STXBP5: variants seen among roughly 807,000 people sequenced by gnomAD.
The protein encoded by STXBP5 is syntaxin binding protein 5.
Under a neutral mutation model 152.4 loss-of-function variants are expected in STXBP5, and 50 were observed. That is an observed-to-expected ratio of 0.33 (90% confidence interval 0.26 to 0.42). The LOEUF (loss-of-function observed/expected upper bound fraction) is 0.42, where lower values mean the gene tolerates loss of function less well. Ranked by LOEUF, STXBP5 falls within the 10% of genes least tolerant of loss-of-function variation. STXBP5 has a pLI of 1.00. For synonymous variants in STXBP5, 492 were observed against 494.7 expected, an observed-to-expected ratio of 0.99 and a Z score of 0.07; for missense variants, 1,167 against 1,388.6, an observed-to-expected ratio of 0.84 and a Z score of 2.54.
At chr6:147,261,703 T>A (rs964094547) in intron 5 of STXBP5, among the ~76,000 whole-genome samples, 1 of 151,964 alleles carries the variant, frequency 6.6e-6, no homozygotes, top group Non-Finnish European at 1.5e-5. Context: ...GTAGGCCTAG[T>A]GCAGGTGTCT....
intron 25 of STXBP5, among the ~76,000 whole-genome samples, chr6:147,372,406 CCTTTTTTTTTTTTTTTTTTTTTTTTT>C (rs1562275000): frequency 0.057 from 2,233 of 38,998 alleles, 246 homozygotes; most frequent in Non-Finnish European, 0.084. Flanking sequence ...CCGTCCTTTT[CCTTTTTTTTTTTTTTTTTTTTTTTTT>C]TTTTTTTTTT....
chr6:147,211,879 C>A (rs1435902170), intron 2 of STXBP5, among the ~76,000 whole-genome samples: 1 of 152,166 alleles, frequency 6.6e-6, no homozygotes, highest in Admixed American at 6.5e-5. Context: ...ATTCTTCTCC[C>A]TCCCCATCAT....
chr6:147,232,334 A>C (rs1277185782), intron 2 of STXBP5, among the ~76,000 whole-genome samples: 2 of 151,842 alleles, frequency 1.3e-5, no homozygotes, highest in African/African-American at 4.8e-5. Context: ...GCAAGTTTGC[A>C]GTGGGGCCAG....
At chr6:147,381,455 C>A (rs1786080904) in intron 26 of STXBP5, among the ~76,000 whole-genome samples, 3 of 152,128 alleles carry the variant, frequency 2.0e-5, no homozygotes, top group Admixed American at 1.3e-4. Flanking sequence ...AATGGGTGCA[C>A]CCTCTTTGGA....
At chr6:147,300,400 A>C (rs935567772) in intron 9 of STXBP5, among the ~76,000 whole-genome samples, 1 of 152,142 alleles carries the variant, frequency 6.6e-6, no homozygotes, top group Non-Finnish European at 1.5e-5. Context: ...ACACTACCAG[A>C]CTTCAAAATA....
chr6:147,343,975 A>C (rs1784204551), intron 21 of STXBP5, among the ~76,000 whole-genome samples: 1 of 152,138 alleles, frequency 6.6e-6, no homozygotes, highest in South Asian at 2.1e-4. Context: ...AGGTGATTTT[A>C]ATATTTTCTA....
chr6:147,364,210 A>G (rs1562270634), intron 25 of STXBP5, 44 bp downstream of exon 25: 4 of 1,546,504 alleles, frequency 2.6e-6, no homozygotes, highest in Non-Finnish European at 2.7e-6. Context: ...GAGGTAAAGT[A>G]TTCTCTGAGG....
At chr6:147,326,235 G>A (rs1450425974) in intron 17 of STXBP5, among the ~76,000 whole-genome samples, 2 of 152,028 alleles carry the variant, frequency 1.3e-5, no homozygotes, top group Non-Finnish European at 2.9e-5. Flanking sequence ...TATTTTCCAC[G>A]ACCATAAAGA....
chr6:147,246,810 A>G (rs933603629), intron 4 of STXBP5, among the ~76,000 whole-genome samples: 6 of 152,288 alleles, frequency 3.9e-5, no homozygotes, highest in South Asian at 4.1e-4. Flanking sequence ...CAGTCCTCTC[A>G]TGGAAAAAAA....
intron 2 of STXBP5, among the ~76,000 whole-genome samples, chr6:147,220,731 A>G (rs1777416317): frequency 6.6e-6 from 1 of 151,898 alleles, no homozygotes; most frequent in Non-Finnish European, 1.5e-5. Flanking sequence ...TTCTTCATCT[A>G]TTTACTTTTA....
intron 9 of STXBP5, among the ~76,000 whole-genome samples, chr6:147,304,241 G>A (rs886990284): frequency 1.3e-5 from 2 of 152,152 alleles, no homozygotes; most frequent in African/African-American, 4.8e-5. Context: ...TGCAGTCTCT[G>A]GACTTGGTGC....
At chr6:147,359,468 T>C (rs985139150) in intron 23 of STXBP5, 145 bp downstream of exon 23, 4 of 1,018,056 alleles carry the variant, frequency 3.9e-6, no homozygotes, top group Non-Finnish European at 5.4e-6. Context: ...TTTATTTTTT[T>C]AATTATTATA....
chr6:147,255,851 T>C (rs994000011), intron 4 of STXBP5, among the ~76,000 whole-genome samples: 2 of 152,190 alleles, frequency 1.3e-5, no homozygotes, highest in Non-Finnish European at 2.9e-5. Flanking sequence ...GAAAGTTAGA[T>C]TCTCAACCTT....
intron 9 of STXBP5, chr6:147,292,486 T>G (rs1246814489): frequency 4.8e-6 from 1 of 210,434 alleles, no homozygotes; most frequent in Non-Finnish European, 9.6e-6. Flanking sequence ...TTTCAAGCAG[T>G]TTCTGGTATA....
intron 3 of STXBP5, among the ~76,000 whole-genome samples, chr6:147,238,512 C>T (rs992762345): frequency 2.0e-5 from 3 of 152,138 alleles, no homozygotes; most frequent in African/African-American, 7.2e-5. Context: ...CACGTCTAAA[C>T]CATAGCACTC....
At chr6:147,313,807 A>G (rs1347525576) in intron 11 of STXBP5, 77 bp from the exon 12 acceptor site, 37 of 986,016 alleles carry the variant, frequency 3.8e-5, no homozygotes, top group African/African-American at 6.6e-5. Flanking sequence ...TATGTTTTTT[A>G]AAGTTTTTAT....
chr6:147,229,858 CA>C (rs1354705906), intron 2 of STXBP5, among the ~76,000 whole-genome samples: 1 of 151,038 alleles, frequency 6.6e-6, no homozygotes, highest in Non-Finnish European at 1.5e-5. Context: ...TTTTTTCTTG[CA>C]CATTTCCATG....
intron 4 of STXBP5, among the ~76,000 whole-genome samples, chr6:147,253,009 AAAG>A (rs1480837626): frequency 6.6e-6 from 1 of 152,164 alleles, no homozygotes; most frequent in Non-Finnish European, 1.5e-5. Context: ...CACAACAAAA[AAAG>A]AAGTTTTCAA....
At chr6:147,234,869 ATT>A (rs936883066) in intron 2 of STXBP5, among the ~76,000 whole-genome samples, 38 of 151,960 alleles carry the variant, frequency 2.5e-4, no homozygotes, top group African/African-American at 9.2e-4. Flanking sequence ...TACTTTTCAG[ATT>A]TGTTTGCTGA....
Sources: allele counts gnomAD v4.1 joint callset (sites outside exome capture counted in the v4.1 genomes callset), GRCh38; gene constraint gnomAD v4.1.1; transcripts MANE v1.5; gene names NCBI Gene and HGNC (gene_info 2026-07-23, HGNC 2026-07-21).